Variants in IKZF2 observed in about 807,000 individuals in gnomAD.
IKZF2 encodes the protein zinc finger protein Helios.
IKZF2 carries 15 observed loss-of-function variants against 49.2 expected under a neutral mutation model. That is an observed-to-expected ratio of 0.30 (90% confidence interval 0.20 to 0.47). IKZF2 has a LOEUF of 0.47. Among genes scored for constraint, IKZF2 ranks in the 20% least tolerant of loss-of-function variants. The pLI, the probability that IKZF2 is intolerant of heterozygous loss-of-function variation, is 1.00. For missense variants in IKZF2, 567 were observed against 664.6 expected (o/e 0.85, Z 1.61); for synonymous variants, 227 against 221.4 (o/e 1.03, Z -0.23).
At chr2:213,037,490 G>A (rs1699145025) in intron 6 of IKZF2, among the ~76,000 whole-genome samples, 1 of 152,178 alleles carries the variant, frequency 6.6e-6, no homozygotes, top group African/African-American at 2.4e-5. Flanking sequence ...GGGGGAAAGA[G>A]GCGTTCTACC....
At chr2:213,016,919 C>G (rs937454983) in intron 7 of IKZF2, 14 of 152,110 alleles carry the variant, frequency 9.2e-5, no homozygotes, top group African/African-American at 3.1e-4. Context: ...CAGCTACATG[C>G]AACAGGAAAG....
intron 6 of IKZF2, among the ~76,000 whole-genome samples, chr2:213,049,404 A>G (rs1700469956): frequency 6.6e-6 from 1 of 152,130 alleles, no homozygotes; most frequent in Non-Finnish European, 1.5e-5. Context: ...TCTTGGATTA[A>G]CCATAATGAC....
chr2:213,140,678 T>G (rs1487027346), intron 4 of IKZF2, among the ~76,000 whole-genome samples: 3 of 151,886 alleles, frequency 2.0e-5, no homozygotes, highest in African/African-American at 7.2e-5. Context: ...TAAAAATCAG[T>G]GGGTCAATCA....
chr2:213,119,710 T>G (rs959556889), intron 4 of IKZF2, among the ~76,000 whole-genome samples: 7 of 152,332 alleles, frequency 4.6e-5, no homozygotes, highest in African/African-American at 1.4e-4. Flanking sequence ...ACTTGGGTAC[T>G]GAATGCAAGG....
At chr2:213,014,017 T>C (rs748214832) in intron 7 of IKZF2, 83 bp from the exon 8 acceptor site, 12 of 1,329,162 alleles carry the variant, frequency 9.0e-6, no homozygotes, top group East Asian at 4.6e-5. Flanking sequence ...CATCTCGATA[T>C]GTGTTATAAA....
rs764903282 is a variant in IKZF2, at chr2:213,007,509, C to T, written c.1432G>A (p.Val478Ile). The change falls in exon 9 of 9, where the codon GTC becomes ATC. Residue 478 changes from valine (V) to isoleucine (I), a missense_variant. Around this residue, in one of 5 missense-constraint regions of IKZF2, gnomAD observed 22 missense variants for 52.3 expected, o/e 0.42. Coordinates refer to ENST00000434687, the MANE Select transcript of IKZF2 (RefSeq NM_001387220.1). ...IRAFKCEHCR[V>I]LFLDHVMYTI... ...TACATGACATGGTCTAGGAAAAGGA[C>T]TCGGCAGTGCTCACACTTGAAGGCC... is the stretch of plus-strand genomic sequence containing the variant. 1.2e-6 allele frequency: 2 copies of T among 1,613,710 alleles called. No individual in the cohort carries two copies. Among genetic ancestry groups the T allele is most frequent in the Admixed American group, 1.7e-5 (1 of 59,984 alleles).
At position 213,004,999 on chromosome 2, in the gene IKZF2, A is replaced by C. The variant is rs954794944; in HGVS notation, c.*2361T>G. ...CATGATTGTTCATATACTGAAAAAAAAATAAGTAGGAAGAAAATTCATAGA... is the reference window on the plus strand; with the variant it reads ...CATGATTGTTCATATACTGAAAAAACAATAAGTAGGAAGAAAATTCATAGA... On this transcript the variant is annotated 3_prime_UTR_variant, in exon 9 of 9. Transcript: ENST00000434687. 1.3e-5 allele frequency: 2 copies of C among 152,420 alleles called. No homozygotes were observed. The highest frequency in any genetic ancestry group is 1.5e-5 in the Non-Finnish European group (1 of 67,950). 9.4% of individuals were successfully genotyped at this position (152,420 alleles called of 1,614,324 possible).
At chr2:213,097,013 GTT>G (rs1233500671) in intron 4 of IKZF2, among the ~76,000 whole-genome samples, 1 of 151,744 alleles carries the variant, frequency 6.6e-6, no homozygotes, top group Non-Finnish European at 1.5e-5. Flanking sequence ...GATTACAAAA[GTT>G]TTTTTGAAAA....
At chr2:213,064,570 C>T (rs1702001019) in intron 4 of IKZF2, among the ~76,000 whole-genome samples, 1 of 151,978 alleles carries the variant, frequency 6.6e-6, no homozygotes, top group Non-Finnish European at 1.5e-5. Context: ...GACGGAGTTT[C>T]TATTTTTTGG....
chr2:213,114,261 G>GT (rs368944214), intron 4 of IKZF2, among the ~76,000 whole-genome samples: 44 of 151,374 alleles, frequency 2.9e-4, no homozygotes, highest in African/African-American at 3.9e-4. Context: ...GGTGCAACGG[G>GT]TTTTTTTTTA....
intron 1 of IKZF2, 166 bp from the exon 2 acceptor site, chr2:213,150,413 C>A (rs2061240427): frequency 3.6e-6 from 1 of 274,680 alleles, no homozygotes; most frequent in South Asian, 3.5e-5. Context: ...GCAAACAGAT[C>A]GGCTGATAAA....
intron 4 of IKZF2, among the ~76,000 whole-genome samples, chr2:213,142,486 T>G (rs13427430): frequency 0.057 from 8,672 of 152,052 alleles, 818 homozygotes; most frequent in African/African-American, 0.2. Flanking sequence ...CTCTGAGTAA[T>G]AGCAGCAGTG....
intron 5 of IKZF2, among the ~76,000 whole-genome samples, chr2:213,054,956 G>T (rs1701005334): frequency 6.6e-6 from 1 of 152,058 alleles, no homozygotes; most frequent in African/African-American, 2.4e-5. Context: ...CAATCCTCAT[G>T]AATATTATTG....
At chr2:213,059,206 T>A (rs1701452357) in intron 4 of IKZF2, among the ~76,000 whole-genome samples, 2 of 151,782 alleles carry the variant, frequency 1.3e-5, no homozygotes. Flanking sequence ...CATTTTTCTA[T>A]CAGGTTGTCA....
At chr2:213,076,702 T>C (rs1703301064) in intron 4 of IKZF2, among the ~76,000 whole-genome samples, 1 of 152,220 alleles carries the variant, frequency 6.6e-6, no homozygotes, top group Non-Finnish European at 1.5e-5. Flanking sequence ...AATTATGATA[T>C]TTTAATTTAA....
At chr2:213,095,896 T>C (rs757537863) in intron 4 of IKZF2, among the ~76,000 whole-genome samples, 6 of 152,024 alleles carry the variant, frequency 3.9e-5, no homozygotes, top group Non-Finnish European at 8.8e-5. Flanking sequence ...TTATAGATAT[T>C]TGAAATCAAA....
chr2:213,151,960 C>G (rs2061295596), upstream of IKZF2, among the ~76,000 whole-genome samples: 1 of 151,676 alleles, frequency 6.6e-6, no homozygotes, highest in Non-Finnish European at 1.5e-5. Flanking sequence ...CCGGAGGCTC[C>G]GCGACGCGCG....
chr2:213,084,478 TA>T (rs1023408820), intron 4 of IKZF2, among the ~76,000 whole-genome samples: 3 of 152,190 alleles, frequency 2.0e-5, no homozygotes, highest in African/African-American at 7.2e-5. Flanking sequence ...TAATCATTTT[TA>T]TTATGGCTTT....
At chr2:213,064,373 T>G (rs1014028260) in intron 4 of IKZF2, among the ~76,000 whole-genome samples, 2 of 151,976 alleles carry the variant, frequency 1.3e-5, no homozygotes, top group Admixed American at 6.6e-5. Context: ...TTTAAACAGA[T>G]CTTGGCAACA....
Sources: allele counts gnomAD v4.1 joint callset (sites outside exome capture counted in the v4.1 genomes callset), GRCh38; gene constraint gnomAD v4.1.1; regional missense constraint gnomAD v4.1.1; transcripts MANE v1.5; gene names NCBI Gene and HGNC (gene_info 2026-07-23, HGNC 2026-07-21).